WHRN: variants seen among roughly 807,000 people sequenced by gnomAD.
WHRN encodes the protein CASK-interacting protein CIP98.
Under a neutral mutation model 68.3 loss-of-function variants are expected in WHRN, and 41 were observed. The ratio of observed to expected loss-of-function variants is 0.60; its 90% CI spans 0.47 to 0.78. The LOEUF (loss-of-function observed/expected upper bound fraction) is 0.78. Ranked by LOEUF, WHRN falls within the 30% of genes least tolerant of loss-of-function variation. The pLI is 0.00. For missense variants in WHRN, 1,243 were observed against 1,244.7 expected (o/e 1.00, Z 0.02); for synonymous variants, 560 against 561.3 (o/e 1.00, Z 0.03).
chr9:114,420,535 T>C lies in WHRN; in HGVS notation c.1626+2779A>G, dbSNP rs977395679. ...TTGGAAGCCTCGGTTGGAGAAGGCC[T>C]GGACTTCAGGGAGGCCCAAGCCCTG... On this transcript the variant is annotated intron_variant, in intron 7 of 11. Coordinates refer to ENST00000362057, the MANE Select transcript of WHRN (RefSeq NM_015404.4). Among the ~76,000 whole-genome samples, 3 of 152,170 alleles carry C rather than the reference T, an allele frequency of 2.0e-5. 1 individual carries two copies. Among genetic ancestry groups the C allele is most frequent in the Admixed American group, 1.3e-4 (2 of 15,280 alleles).
intron 2 of WHRN, 111 bp downstream of exon 2, chr9:114,478,442 G>T: frequency 8.4e-7 from 1 of 1,195,878 alleles, no homozygotes; most frequent in Non-Finnish European, 1.2e-6. Flanking sequence ...GGAAGACAGA[G>T]CCTGGACAGA....
rs576789887 is a variant in WHRN, at chr9:114,406,104, G to T, written c.2236+251C>A. Among the ~76,000 whole-genome samples the T allele has an allele frequency of 2.6e-5, 4 of 152,366 alleles. No individual in the cohort carries two copies. In the East Asian group the frequency reaches 7.7e-4, roughly 29 times the overall value. ...GCACCCCGACGCTCGCAGCAACCTG[G>T]CAGGACTGTCACTGTTATCTCCATT... On this transcript the variant is annotated intron_variant, in intron 9 of 11. Coordinates refer to ENST00000362057, the MANE Select transcript of WHRN (RefSeq NM_015404.4).
chr9:114,456,582 C>G (rs548296322), intron 3 of WHRN, among the ~76,000 whole-genome samples: 4 of 152,060 alleles, frequency 2.6e-5, no homozygotes, highest in Non-Finnish European at 4.4e-5. Context: ...AATCCCAGCA[C>G]TTTGGGAGGC....
At chr9:114,468,428 G>A (rs895275419) in intron 2 of WHRN, among the ~76,000 whole-genome samples, 7 of 152,118 alleles carry the variant, frequency 4.6e-5, no homozygotes, top group Non-Finnish European at 7.4e-5. Flanking sequence ...GACCCTATCT[G>A]GGACCACTGC....
chr9:114,442,887 A>G (rs542284867), intron 3 of WHRN, among the ~76,000 whole-genome samples: 3 of 152,284 alleles, frequency 2.0e-5, no homozygotes, highest in African/African-American at 7.2e-5. Context: ...CACAAATACA[A>G]GGGTATATGG....
At position 114,504,427 on chromosome 9, in the gene WHRN, G is replaced by C; in HGVS notation, c.375C>G (p.Pro125=). The change falls in exon 1 of 12, where the codon CCC becomes CCG. Residue 125 remains proline, a synonymous_variant. Transcript: ENST00000362057. ...CCGCGCTGTCGGGGCCGCCCCAGGC[G>C]GGCTGCCTGTAGGGGGTGGTGGCGG... is the stretch of plus-strand genomic sequence containing the variant. ...YLPATTPYRQ[P]AWGGPDSAGP... 1 of 1,606,618 alleles carries C rather than the reference G, an allele frequency of 6.2e-7. No individual in the cohort carries two copies. The highest frequency in any genetic ancestry group is 8.5e-7 in the Non-Finnish European group (1 of 1,179,500).
At chr9:114,504,071 AAG>A in intron 1 of WHRN, 111 bp downstream of exon 1, 2 of 1,466,496 alleles carry the variant, frequency 1.4e-6, no homozygotes, top group Admixed American at 4.3e-5. Flanking sequence ...AAAAAAAAAA[AAG>A]CCCAGAAAGG....
chr9:114,504,580 C>G lies in WHRN; in HGVS notation c.222G>C (p.Leu74=), dbSNP rs758783983. ...CCAGCAGCACGCGCAGGGTGCGCAC[C>G]AGGTCGAAGACGTTGCGGCGCGCGT... The part of the protein sequence containing the change: ...AYHARRNVFD[L]VRTLRVLLDS... The change falls in exon 1 of 12, where the codon CTG becomes CTC. Residue 74 remains leucine (L), a synonymous_variant. Transcript: ENST00000362057. 1 of 1,611,518 alleles carries G rather than the reference C, an allele frequency of 6.2e-7. No homozygotes were observed. The highest frequency in any genetic ancestry group is 8.5e-7 in the Non-Finnish European group (1 of 1,179,748).
chr9:114,447,263 C>T (rs546777511), intron 3 of WHRN, among the ~76,000 whole-genome samples: 2 of 152,290 alleles, frequency 1.3e-5, no homozygotes, highest in East Asian at 1.9e-4. Context: ...CAGGAAGGGC[C>T]GTGCAGTGGC....
At chr9:114,407,194 G>A (rs1402097295) in intron 8 of WHRN, among the ~76,000 whole-genome samples, 1 of 152,204 alleles carries the variant, frequency 6.6e-6, no homozygotes, top group African/African-American at 2.4e-5. Context: ...TTAGAGACAC[G>A]ATGAAGAGGA....
At chr9:114,432,638 GATC>G (rs1837522179) in intron 3 of WHRN, among the ~76,000 whole-genome samples, 1 of 152,144 alleles carries the variant, frequency 6.6e-6, no homozygotes, top group Admixed American at 6.5e-5. Flanking sequence ...GGAAAATAGA[GATC>G]ATATCAGTAC....
intron 3 of WHRN, among the ~76,000 whole-genome samples, chr9:114,432,313 G>A (rs1837491660): frequency 1.3e-5 from 2 of 152,248 alleles, no homozygotes; most frequent in South Asian, 4.1e-4. Flanking sequence ...TAGGTCTGGG[G>A]CAGGCGCAGG....
At chr9:114,444,698 A>G (rs1028074378) in intron 3 of WHRN, among the ~76,000 whole-genome samples, 1 of 152,010 alleles carries the variant, frequency 6.6e-6, no homozygotes, top group Non-Finnish European at 1.5e-5. Flanking sequence ...AAAAAAGCAA[A>G]AATGGAATTA....
chr9:114,504,058 A>T (rs1277955784), intron 1 of WHRN, 126 bp downstream of exon 1: 150 of 930 alleles, frequency 0.16, 1 homozygote, highest in Admixed American at 0.46. Context: ...TTAAAGTATT[A>T]AAAAAAAAAA....
chr9:114,504,761 G>T lies in WHRN; in HGVS notation c.41C>A (p.Ser14Tyr). The T allele has an allele frequency of 6.6e-7, 1 of 1,504,074 alleles. No individual in the cohort carries two copies. The highest frequency in any genetic ancestry group is 1.3e-5 in the South Asian group (1 of 79,402). 93.2% of individuals were successfully genotyped at this position (1,504,074 alleles called of 1,614,324 possible). A position where few individuals can be genotyped will look rare whatever the true frequency, so the allele number is the denominator to read the frequency against. Residue 14 changes from serine (S) to tyrosine (Y), a missense_variant, in exon 1 of 12, where the codon TCC (serine) becomes TAC (tyrosine). Ser to Tyr is a moderately radical substitution (Grantham distance 144). Coordinates refer to ENST00000362057, the MANE Select transcript of WHRN (RefSeq NM_015404.4). ...GGCCGCCGAGCCCAGCGAGCCGGTG[G>T]AGGACGAGCTCACCGACAGGCCGTC... ...PLDGLSVSSS[S>Y]TGSLGSAAGA...
intron 3 of WHRN, among the ~76,000 whole-genome samples, chr9:114,454,329 T>A (rs897598851): frequency 1.1e-5 from 1 of 93,948 alleles, no homozygotes; most frequent in Non-Finnish European, 2.2e-5. Flanking sequence ...ACTCTGACCA[T>A]CTGCCTAGAA....
intron 7 of WHRN, among the ~76,000 whole-genome samples, chr9:114,420,295 C>T (rs557246732): frequency 6.6e-6 from 1 of 152,030 alleles, no homozygotes; most frequent in East Asian, 1.9e-4. Context: ...AGCATCCCTT[C>T]ATTCTGCCTG....
chr9:114,467,351 C>G lies in WHRN; in HGVS notation c.838-959G>C, dbSNP rs775266294. Among the ~76,000 whole-genome samples the G allele has an allele frequency of 9.5e-4, 144 of 152,230 alleles. 2 individuals are homozygous for G. The highest frequency in any genetic ancestry group is 1.5e-4 in the Non-Finnish European group (10 of 68,008). ...GGGGCCCGCAGTCTAGTGGTACAGA[C>G]AGTCAACAGGCCTTCACGGTACAGT... On this transcript the variant is annotated intron_variant, in intron 2 of 11. Transcript: ENST00000362057.
intron 3 of WHRN, among the ~76,000 whole-genome samples, chr9:114,441,244 T>C (rs1838348855): frequency 6.6e-6 from 1 of 151,794 alleles, no homozygotes; most frequent in African/African-American, 2.4e-5. Flanking sequence ...AGGTCAATAG[T>C]AGGCTATCAA....
Sources: allele counts gnomAD v4.1 joint callset (sites outside exome capture counted in the v4.1 genomes callset), GRCh38; gene constraint gnomAD v4.1.1; transcripts MANE v1.5; gene names NCBI Gene and HGNC (gene_info 2026-07-23, HGNC 2026-07-21).